Variants in EFNA5 observed in about 807,000 individuals in gnomAD.
EFNA5 encodes ephrin-A5.
In EFNA5, 5 loss-of-function variants were observed where a neutral mutation model predicts 22.9. The ratio of observed to expected loss-of-function variants is 0.22; its 90% CI spans 0.11 to 0.46. The LOEUF is 0.46. Among genes scored for constraint, EFNA5 ranks in the 20% least tolerant of loss-of-function variants. EFNA5 has a pLI of 0.99. For missense variants in EFNA5, 237 were observed against 293.3 expected, an observed-to-expected ratio of 0.81 and a Z score of 1.40; for synonymous variants, 113 against 112.2, an observed-to-expected ratio of 1.01 and a Z score of -0.04.
chr5:107,434,727 A>G (rs1401224685), intron 1 of EFNA5, among the ~76,000 whole-genome samples: 2 of 152,210 alleles, frequency 1.3e-5, no homozygotes, highest in Admixed American at 1.3e-4. Flanking sequence ...AGAGGTTAGG[A>G]AGCTGTGAGA....
chr5:107,455,061 C>A (rs1485815393), intron 1 of EFNA5, among the ~76,000 whole-genome samples: 1 of 152,134 alleles, frequency 6.6e-6, no homozygotes, highest in Non-Finnish European at 1.5e-5. Flanking sequence ...AATCTCAAAC[C>A]CTCAACTGGT....
intron 1 of EFNA5, among the ~76,000 whole-genome samples, chr5:107,495,763 C>G (rs982483331): frequency 6.6e-6 from 1 of 152,004 alleles, no homozygotes; most frequent in Non-Finnish European, 1.5e-5. Flanking sequence ...TCCAAGCATC[C>G]CCGGAAGTCA....
At chr5:107,666,893 C>G (rs890115562) in intron 1 of EFNA5, among the ~76,000 whole-genome samples, 7 of 152,124 alleles carry the variant, frequency 4.6e-5, no homozygotes, top group African/African-American at 1.7e-4. Context: ...AGTATTATGA[C>G]TCTCTTTATA....
intron 2 of EFNA5, among the ~76,000 whole-genome samples, chr5:107,410,767 T>G (rs1367400812): frequency 2.0e-5 from 3 of 152,234 alleles, no homozygotes; most frequent in African/African-American, 7.2e-5. Context: ...GGATCCTCAA[T>G]CTAGCCTAAC....
Position 107,510,191 on chromosome 5 carries a change from C to T in EFNA5, c.126-82682G>A, listed in dbSNP as rs554634215. Among the ~76,000 whole-genome samples the T allele has an allele frequency of 3.3e-5, 5 of 152,290 alleles. No individual in the cohort carries two copies. The East Asian group carries it at 5.8e-4, about 18-fold the overall frequency. ...CATGAATGTAACCTCTGGTCATCCT[C>T]GCTGCTCATTATATGCTAATTACAA... On this transcript the variant is annotated intron_variant, in intron 1 of 4. Transcript: ENST00000333274.
At chr5:107,541,164 A>G (rs1748039364) in intron 1 of EFNA5, among the ~76,000 whole-genome samples, 2 of 150,812 alleles carry the variant, frequency 1.3e-5, no homozygotes, top group Admixed American at 6.6e-5. Flanking sequence ...AAAGATTTCA[A>G]TGGGATGTAA....
chr5:107,559,368 A>T (rs1748489284), intron 1 of EFNA5, among the ~76,000 whole-genome samples: 1 of 152,236 alleles, frequency 6.6e-6, no homozygotes, highest in Admixed American at 6.5e-5. Context: ...AAAAATATAC[A>T]TGTATATATA....
At chr5:107,511,414 G>A (rs1320120747) in intron 1 of EFNA5, among the ~76,000 whole-genome samples, 1 of 152,070 alleles carries the variant, frequency 6.6e-6, no homozygotes, top group Non-Finnish European at 1.5e-5. Context: ...TAAAGTAAAT[G>A]GATGTATGGA....
At chr5:107,428,696 A>T (rs1381561403) in intron 1 of EFNA5, among the ~76,000 whole-genome samples, 2 of 152,208 alleles carry the variant, frequency 1.3e-5, no homozygotes, top group Non-Finnish European at 2.9e-5. Context: ...TACAATGCTC[A>T]TAAAGTCATA....
Position 107,592,340 on chromosome 5 carries a change from A to C in EFNA5, c.125+78149T>G, listed in dbSNP as rs574493318. On this transcript the variant is annotated intron_variant, in intron 1 of 4. Coordinates refer to ENST00000333274, the MANE Select transcript of EFNA5 (RefSeq NM_001962.3). Reference sequence around the variant, plus strand: ...CAATGATCAATCTCCACTAAATCACAGTACACTTTTGGTATATAAATTTGA... The same window carrying C: ...CAATGATCAATCTCCACTAAATCACCGTACACTTTTGGTATATAAATTTGA... Among the ~76,000 whole-genome samples, 7 of 151,960 alleles carry C rather than the reference A, an allele frequency of 4.6e-5. No individual in the cohort carries two copies. The South Asian group carries it at 1.5e-3, about 32-fold the overall frequency.
chr5:107,447,941 G>A (rs1278506940), intron 1 of EFNA5, among the ~76,000 whole-genome samples: 15 of 152,014 alleles, frequency 9.9e-5, no homozygotes, highest in East Asian at 5.8e-4. Flanking sequence ...TCCGCCTCCC[G>A]GGTTCAAGCG....
chr5:107,616,224 T>C (rs1017223), intron 1 of EFNA5, among the ~76,000 whole-genome samples: 12,098 of 152,256 alleles, frequency 0.079, 1,186 homozygotes, highest in African/African-American at 0.23. Flanking sequence ...TCAGAGCACA[T>C]ATAATTCATG....
chr5:107,568,780 TA>T (rs1748715450), intron 1 of EFNA5, among the ~76,000 whole-genome samples: 1 of 152,188 alleles, frequency 6.6e-6, no homozygotes, highest in African/African-American at 2.4e-5. Flanking sequence ...AAACATTTTT[TA>T]AAAAATTTGA....
chr5:107,450,182 T>C (rs1249041847), intron 1 of EFNA5, among the ~76,000 whole-genome samples: 2 of 152,206 alleles, frequency 1.3e-5, no homozygotes, highest in Non-Finnish European at 2.9e-5. Context: ...GAACGGGATA[T>C]GCCACACAAA....
rs1462597579 is a variant in EFNA5 at position 107,569,565 on chromosome 5, A to T, written c.125+100924T>A. Reference sequence around the variant, plus strand: ...TATGTGTGTATATATATATTTATATATATATATATATATATATATATATAT... The same window carrying T: ...TATGTGTGTATATATATATTTATATTTATATATATATATATATATATATAT... On this transcript the variant is annotated intron_variant, in intron 1 of 4. Transcript: ENST00000333274. Among the ~76,000 whole-genome samples, 6 of 21,782 alleles carry T rather than the reference A, an allele frequency of 2.8e-4. No individual in the cohort carries two copies. In the East Asian group the frequency reaches 3.6e-3, roughly 13 times the overall value. The allele number at this position is 21,782 out of a possible 152,430, so 14.3% of individuals were successfully genotyped here.
At chr5:107,509,524 A>T (rs1339098731) in intron 1 of EFNA5, among the ~76,000 whole-genome samples, 3 of 131,598 alleles carry the variant, frequency 2.3e-5, no homozygotes, top group Non-Finnish European at 4.8e-5. Context: ...GTGGAGACGG[A>T]GTTTCACCAT....
At chr5:107,600,518 ACT>A (rs1749569897) in intron 1 of EFNA5, among the ~76,000 whole-genome samples, 1 of 150,386 alleles carries the variant, frequency 6.6e-6, no homozygotes, top group African/African-American at 2.5e-5. Flanking sequence ...ACAGAGTCTC[ACT>A]CTGTCCCCAA....
intron 1 of EFNA5, 22 bp downstream of exon 1, chr5:107,670,467 T>TCTC: frequency 6.5e-7 from 1 of 1,550,124 alleles, no homozygotes; most frequent in Non-Finnish European, 8.7e-7. Flanking sequence ...TAGCCCTGGC[T>TCTC]CTCCGCCTGT....
chr5:107,532,650 T>C (rs894862725), intron 1 of EFNA5, among the ~76,000 whole-genome samples: 13 of 152,164 alleles, frequency 8.5e-5, no homozygotes, highest in Non-Finnish European at 1.5e-5. Context: ...TCTACCACAA[T>C]TGGACATGTG....
Sources: gnomAD v4.1 joint callset for allele counts (sites outside exome capture counted in the v4.1 genomes callset) on GRCh38, gnomAD v4.1.1 for gene constraint, MANE v1.5 for transcripts, NCBI Gene and HGNC (gene_info 2026-07-23, HGNC 2026-07-21) for gene names.